The following SH3D19 variants were observed in gnomAD, a reference collection of about 807,000 sequenced individuals.
SH3D19 encodes SH3 domain containing 19.
Under a neutral mutation model 112.1 loss-of-function variants are expected in SH3D19, and 58 were observed. That is an observed-to-expected ratio of 0.52 (90% CI 0.42 to 0.64). SH3D19 has a LOEUF of 0.64. Ranked by LOEUF, SH3D19 falls within the 30% of genes least tolerant of loss-of-function variation. The pLI, the probability that SH3D19 is intolerant of heterozygous loss-of-function variation, is 0.00. For synonymous variants in SH3D19, 391 were observed against 448.5 expected, an observed-to-expected ratio of 0.87 and a Z score of 1.62; for missense variants, 1,090 against 1,263.4, an observed-to-expected ratio of 0.86 and a Z score of 2.08.
At position 151,319,689 on chromosome 4, in the gene SH3D19, T is replaced by C. The variant is rs139792277; in HGVS notation, c.112+5552A>G. 5.3e-5 allele frequency among the ~76,000 whole-genome samples: 8 copies of C among 152,276 alleles called. No homozygotes were observed. In the East Asian group the frequency reaches 1.5e-3, roughly 29 times the overall value. On this transcript the variant is annotated intron_variant, in intron 1 of 19. Transcript: ENST00000604030. ...GATAAAACCTTCTAACATTTCTGAGTCTCAGTTTACTCATCTTTAAAATGG... is the reference window on the plus strand; with the variant it reads ...GATAAAACCTTCTAACATTTCTGAGCCTCAGTTTACTCATCTTTAAAATGG...
At chr4:151,151,114 C>T (rs1267940574) in intron 9 of SH3D19, among the ~76,000 whole-genome samples, 3 of 152,038 alleles carry the variant, frequency 2.0e-5, no homozygotes, top group Admixed American at 2.0e-4. Context: ...GCGTGTGCCA[C>T]CCCACCTGGC....
At chr4:151,253,286 T>C (rs543032904) in intron 1 of SH3D19, among the ~76,000 whole-genome samples, 2 of 152,310 alleles carry the variant, frequency 1.3e-5, no homozygotes, top group African/African-American at 4.8e-5. Flanking sequence ...CTGTTCTCCA[T>C]GCTTCAACCC....
At chr4:151,170,046 TG>T (rs1289607723) in intron 7 of SH3D19, among the ~76,000 whole-genome samples, 1 of 152,200 alleles carries the variant, frequency 6.6e-6, no homozygotes, top group African/African-American at 2.4e-5. Context: ...TAAATGTCAT[TG>T]TTTTTTAAAG....
intron 1 of SH3D19, among the ~76,000 whole-genome samples, chr4:151,301,620 G>A (rs995044579): frequency 9.2e-5 from 14 of 152,010 alleles, no homozygotes; most frequent in African/African-American, 3.4e-4. Context: ...TCCCAACTTC[G>A]CCTTCTGCCA....
chr4:151,143,252 AT>A (rs1329502779), intron 12 of SH3D19, among the ~76,000 whole-genome samples: 1 of 151,648 alleles, frequency 6.6e-6, no homozygotes, highest in Non-Finnish European at 1.5e-5. Flanking sequence ...AAAAATTCTA[AT>A]TTTTTTTAGC....
At position 151,175,423 on chromosome 4, in the gene SH3D19, A is replaced by G; in HGVS notation, c.781T>C (p.Ser261Pro). Residue 261 changes from serine to proline, a missense_variant, in exon 7 of 20, where the codon TCC (serine) becomes CCC (proline). By Grantham distance (74) the Ser-to-Pro change is moderately conservative. Transcript: ENST00000604030. ...AGCAGAGACTGGGGCCGGCCTGGGG[A>G]TGACTCCTCTCCTACGGCTGCTGGG... Reference protein sequence around the residue: ...ISPAAVGEESSPGRPQSLLDN... With the variant: ...ISPAAVGEESPPGRPQSLLDN... 2.0e-6 allele frequency: 3 copies of G among 1,536,654 alleles called. No individual in the cohort carries two copies. In the South Asian group the frequency reaches 3.9e-5, roughly 20 times the overall value.
intron 13 of SH3D19, among the ~76,000 whole-genome samples, chr4:151,138,846 T>G (rs376583110): frequency 2.6e-5 from 4 of 152,196 alleles, no homozygotes; most frequent in African/African-American, 7.2e-5. Flanking sequence ...TGTTGTTGTT[T>G]TTTGAGACGG....
At chr4:151,268,564 T>C (rs907651407) in intron 1 of SH3D19, among the ~76,000 whole-genome samples, 16 of 147,706 alleles carry the variant, frequency 1.1e-4, no homozygotes, top group Admixed American at 7.5e-4. Context: ...TAGCATTAGG[T>C]ATATCTCCTA....
At chr4:151,240,924 G>C (rs1317888651) in intron 1 of SH3D19, among the ~76,000 whole-genome samples, 1 of 151,886 alleles carries the variant, frequency 6.6e-6, no homozygotes, top group East Asian at 1.9e-4. Flanking sequence ...ATGTGGTACA[G>C]CCATACAATG....
At position 151,283,333 on chromosome 4, in the gene SH3D19, T is replaced by C. The variant is rs374983498; in HGVS notation, c.112+41908A>G. The C allele has an allele frequency of 5.1e-6, 8 of 1,572,650 alleles. No homozygotes were observed. The South Asian group carries it at 5.6e-5, about 11-fold the overall frequency. ...TTTTTTTTTAAACATGAGATCTTAATTTGGATCCAGGTTTTCCTATCTGTA... is the reference window on the plus strand; with the variant it reads ...TTTTTTTTTAAACATGAGATCTTAACTTGGATCCAGGTTTTCCTATCTGTA... On this transcript the variant is annotated intron_variant, in intron 1 of 19. Coordinates refer to ENST00000604030, the MANE Select transcript of SH3D19 (RefSeq NM_001378122.1).
chr4:151,240,807 A>G (rs1248855165), intron 1 of SH3D19, among the ~76,000 whole-genome samples: 1 of 151,988 alleles, frequency 6.6e-6, no homozygotes, highest in Non-Finnish European at 1.5e-5. Flanking sequence ...AAAGAGAAAT[A>G]CAAACATGTC....
intron 1 of SH3D19, chr4:151,291,208 C>T (rs1775305862): frequency 6.2e-7 from 1 of 1,613,422 alleles, no homozygotes; most frequent in South Asian, 1.1e-5. Flanking sequence ...TGGTAAATCT[C>T]TTCCTGGAGT....
intron 2 of SH3D19, among the ~76,000 whole-genome samples, chr4:151,222,986 T>C (rs903590553): frequency 1.4e-5 from 2 of 145,652 alleles, no homozygotes; most frequent in Non-Finnish European, 3.0e-5. Flanking sequence ...TCTTGTTACC[T>C]GGAATATTCT....
intron 2 of SH3D19, among the ~76,000 whole-genome samples, chr4:151,219,130 T>A (rs1425263893): frequency 2.0e-5 from 3 of 152,192 alleles, no homozygotes; most frequent in Non-Finnish European, 4.4e-5. Context: ...GTGTACTTCC[T>A]TGTAAAATCC....
intron 2 of SH3D19, among the ~76,000 whole-genome samples, chr4:151,197,659 C>T (rs999516923): frequency 4.0e-5 from 6 of 151,846 alleles, no homozygotes; most frequent in East Asian, 1.9e-4. Context: ...CTAAAACATA[C>T]GAAAAATCAG....
intron 1 of SH3D19, among the ~76,000 whole-genome samples, chr4:151,251,535 G>T (rs1391793769): frequency 6.6e-6 from 1 of 152,140 alleles, no homozygotes; most frequent in African/African-American, 2.4e-5. Flanking sequence ...CAGCAAGAAG[G>T]CCAATTCCAA....
At chr4:151,256,011 A>G (rs1489455736) in intron 1 of SH3D19, among the ~76,000 whole-genome samples, 1 of 110,758 alleles carries the variant, frequency 9.0e-6, no homozygotes, top group Non-Finnish European at 2.0e-5. Context: ...GTGGAAAGAG[A>G]GGGGGAGAGG....
At chr4:151,232,450 C>T (rs1443963141) in intron 1 of SH3D19, among the ~76,000 whole-genome samples, 2 of 152,158 alleles carry the variant, frequency 1.3e-5, no homozygotes, top group Non-Finnish European at 2.9e-5. Flanking sequence ...AGCACCCTGT[C>T]TGTACACTTA....
intron 1 of SH3D19, among the ~76,000 whole-genome samples, chr4:151,308,031 G>C (rs1030608980): frequency 2.6e-5 from 4 of 152,060 alleles, no homozygotes; most frequent in African/African-American, 9.7e-5. Flanking sequence ...TCAGCCTCCC[G>C]AATAGCTGGG....
Sources: gnomAD v4.1 joint callset for allele counts (sites outside exome capture counted in the v4.1 genomes callset) on GRCh38, gnomAD v4.1.1 for gene constraint, MANE v1.5 for transcripts, NCBI Gene and HGNC (gene_info 2026-07-23, HGNC 2026-07-21) for gene names.